GIGYF2: variants seen among roughly 807,000 people sequenced by gnomAD.
GIGYF2 encodes GRB10 interacting GYF protein 2.
GIGYF2 carries 25 observed loss-of-function variants against 208.1 expected under a neutral mutation model. The ratio of observed to expected loss-of-function variants is 0.12; its 90% CI spans 0.09 to 0.17. GIGYF2 has a LOEUF of 0.17. Among genes scored for constraint, GIGYF2 ranks in the 10% least tolerant of loss-of-function variants. GIGYF2 has a pLI of 1.00. For synonymous variants in GIGYF2, 534 were observed against 543.8 expected (o/e 0.98, Z 0.25); for missense variants, 1,302 against 1,579.4 (o/e 0.82, Z 2.98).
Position 232,804,309 on chromosome 2 carries a change from G to A in GIGYF2, c.1640-2182G>A, listed in dbSNP as rs184863496. 5.1e-3 allele frequency among the ~76,000 whole-genome samples: 765 copies of A among 148,720 alleles called. 10 individuals carry two copies. Among genetic ancestry groups the A allele is most frequent in the African/African-American group, 0.018 (744 of 40,596 alleles). ...TGTCTATCTGTGTTGTTAGATCTTT[G>A]ATTTCTTTCATCAGTGTTGCGTAGT... On this transcript the variant is annotated intron_variant, in intron 14 of 28. Transcript: ENST00000373563.
intron 3 of GIGYF2, chr2:232,735,730 A>G (rs1697705339): frequency 1.0e-6 from 1 of 986,256 alleles, no homozygotes; most frequent in Non-Finnish European, 1.2e-6. Flanking sequence ...ATTGGACATA[A>G]TAACGATTAA....
intron 14 of GIGYF2, 141 bp downstream of exon 14, chr2:232,796,362 T>C (rs1700223510): frequency 1.5e-6 from 1 of 676,800 alleles, no homozygotes; most frequent in South Asian, 1.7e-5. Flanking sequence ...AGACTAGAAG[T>C]GTTTCTGATT....
chr2:232,856,011 A>G (rs1466604863), intron 28 of GIGYF2, among the ~76,000 whole-genome samples: 2 of 151,970 alleles, frequency 1.3e-5, no homozygotes, highest in African/African-American at 2.4e-5. Flanking sequence ...GCTCACTGCA[A>G]GCTCCTTCGA....
At chr2:232,790,086 C>G (rs924649086) in intron 9 of GIGYF2, among the ~76,000 whole-genome samples, 3 of 152,086 alleles carry the variant, frequency 2.0e-5, no homozygotes, top group Non-Finnish European at 4.4e-5. Flanking sequence ...TCTTCTTAAA[C>G]TATAAAATTA....
chr2:232,832,530 C>T (rs1281326220), intron 21 of GIGYF2, among the ~76,000 whole-genome samples: 1 of 152,172 alleles, frequency 6.6e-6, no homozygotes, highest in Non-Finnish European at 1.5e-5. Context: ...CCCTGAAAGG[C>T]CTGCTCACCT....
intron 20 of GIGYF2, 26 bp from the exon 21 acceptor site, chr2:232,819,801 C>T (rs765300693): frequency 3.0e-6 from 1 of 327,934 alleles, no homozygotes; most frequent in Non-Finnish European, 6.0e-6. Flanking sequence ...CTCCCCCACC[C>T]CCCACCCTCC....
At chr2:232,739,840 C>G (rs781660876) in intron 3 of GIGYF2, among the ~76,000 whole-genome samples, 52 of 151,216 alleles carry the variant, frequency 3.4e-4, no homozygotes, top group South Asian at 1.7e-3. Context: ...TGGCACATGC[C>G]TGTAATCCCA....
chr2:232,786,178 A>C (rs1699902484), intron 8 of GIGYF2, among the ~76,000 whole-genome samples: 1 of 152,206 alleles, frequency 6.6e-6, no homozygotes, highest in Non-Finnish European at 1.5e-5. Flanking sequence ...ATTCTGTCCA[A>C]AAGCAATTTA....
rs572179302 is a variant in GIGYF2, at chr2:232,860,006, T to TCC, written c.*3153_*3154dup. ...GCATGGCCCTCTCCCTGCAACCCCC[T>TCC]CCCCCCCCGCCTTGATGAAAGGAGT... On this transcript the variant is annotated 3_prime_UTR_variant, in exon 29 of 29. Coordinates refer to ENST00000373563, the MANE Select transcript of GIGYF2 (RefSeq NM_001103146.3). 7.9e-4 allele frequency: 117 copies of TCC among 148,162 alleles called. No individual in the cohort carries two copies. Among genetic ancestry groups the TCC allele is most frequent in the Admixed American group, 3.0e-3 (44 of 14,806 alleles). The allele number at this position is 148,162 out of a possible 1,614,324, so 9.2% of individuals were successfully genotyped here.
intron 6 of GIGYF2, among the ~76,000 whole-genome samples, chr2:232,758,885 C>T (rs983400724): frequency 6.6e-6 from 1 of 152,128 alleles, no homozygotes; most frequent in African/African-American, 2.4e-5. Flanking sequence ...ATTTATATTA[C>T]ATTATTTTAG....
intron 8 of GIGYF2, among the ~76,000 whole-genome samples, chr2:232,773,516 C>G (rs1235718431): frequency 6.6e-6 from 1 of 151,830 alleles, no homozygotes; most frequent in Non-Finnish European, 1.5e-5. Context: ...AACAGTCTTT[C>G]CAAAAATGAT....
intron 2 of GIGYF2, among the ~76,000 whole-genome samples, chr2:232,710,889 C>T (rs1696363738): frequency 1.3e-5 from 2 of 151,622 alleles, no homozygotes; most frequent in African/African-American, 2.4e-5. Context: ...TTAGTAGAGA[C>T]AGGGTTTCAC....
intron 20 of GIGYF2, among the ~76,000 whole-genome samples, 178 bp from the exon 21 acceptor site, chr2:232,819,649 C>T (rs968065282): frequency 1.3e-5 from 2 of 152,018 alleles, no homozygotes; most frequent in South Asian, 2.1e-4. Flanking sequence ...CATTGTAATG[C>T]GTCCAATTCC....
rs2106380251 is a variant in GIGYF2, at chr2:232,806,646, C to G, written c.1795C>G (p.Pro599Ala). The G allele has an allele frequency of 1.2e-6, 2 of 1,610,074 alleles. No homozygotes were observed. Among genetic ancestry groups the G allele is most frequent in the Non-Finnish European group, 8.5e-7 (1 of 1,176,372 alleles). The part of the protein sequence containing the change: ...RVPFSPGPAP[P>A]PHMGELDQER... ...TCCCTTTTCTCCAGGTCCAGCTCCC[C>G]CTCCTCATATGGTAAGTACCTTTCA... is the stretch of plus-strand genomic sequence containing the variant. Residue 599 changes from proline to alanine, a missense_variant, in exon 15 of 29, where the codon CCT becomes GCT. Transcript: ENST00000373563. This position sits in a 1 kb window ranked among gnomAD's most constrained non-coding sequence, Gnocchi z 4.0.
chr2:232,809,037 C>T (rs1394794357), intron 15 of GIGYF2, among the ~76,000 whole-genome samples: 1 of 152,124 alleles, frequency 6.6e-6, no homozygotes, highest in Non-Finnish European at 1.5e-5. Flanking sequence ...CTCTGCCTCC[C>T]AGGTTCAAGT....
Position 232,790,760 on chromosome 2 carries a change from T to G in GIGYF2, c.775T>G (p.Phe259Val). 6.2e-7 allele frequency: 1 copy of G among 1,614,080 alleles called. No homozygotes were observed. Among genetic ancestry groups the G allele is most frequent in the Non-Finnish European group, 8.5e-7 (1 of 1,179,994 alleles). Residue 259 changes from phenylalanine (F) to valine (V), a missense_variant, in exon 10 of 29, where the codon TTT becomes GTT. By Grantham distance (50) the Phe-to-Val change is conservative (BLOSUM62 -1). Transcript: ENST00000373563. ...ACGACGTCGGAGGTTTGAGTTTGAT[T>G]TTCGAGATAGAGATGATGAACGGGG... ...MERRRRFEFDFRDRDDERGYR... is the reference protein window; with the variant it reads ...MERRRRFEFDVRDRDDERGYR...
chr2:232,741,226 A>AT (rs1173979486), intron 3 of GIGYF2, among the ~76,000 whole-genome samples: 1 of 152,154 alleles, frequency 6.6e-6, no homozygotes, highest in African/African-American at 2.4e-5. Flanking sequence ...CTGTTTGCTC[A>AT]AGCTAGCAGT....
At chr2:232,770,151 T>C (rs1699173063) in intron 8 of GIGYF2, among the ~76,000 whole-genome samples, 2 of 152,330 alleles carry the variant, frequency 1.3e-5, no homozygotes, top group Non-Finnish European at 2.9e-5. Flanking sequence ...AGCTGGTTGG[T>C]AGCACACTGG....
At position 232,806,638 on chromosome 2, in the gene GIGYF2, C is replaced by T. The variant is rs772009425; in HGVS notation, c.1787C>T (p.Pro596Leu). The stretch of plus-strand genomic sequence containing the variant: ...GGAAGGGTTCCCTTTTCTCCAGGTC[C>T]AGCTCCCCCTCCTCATATGGTAAGT... ...MWGRVPFSPG[P>L]APPPHMGELD... Residue 596 changes from proline to leucine, a missense_variant, in exon 15 of 29, where the codon CCA becomes CTA. This residue lies in a region of GIGYF2 where 701 missense variants were observed against 793.0 expected (regional missense o/e 0.88). Transcript: ENST00000373563. This position sits in a 1 kb window ranked among gnomAD's most constrained non-coding sequence, Gnocchi z 4.0. 6.2e-7 allele frequency: 1 copy of T among 1,612,058 alleles called. No individual in the cohort carries two copies. The highest frequency in any genetic ancestry group is 1.1e-5 in the South Asian group (1 of 91,040).
Sources: gnomAD v4.1 joint callset for allele counts (sites outside exome capture counted in the v4.1 genomes callset) on GRCh38, gnomAD v4.1.1 for gene constraint, gnomAD v4.1.1 regional missense constraint, Gnocchi (gnomAD v3.1) non-coding constraint, MANE v1.5 for transcripts, NCBI Gene and HGNC (gene_info 2026-07-23, HGNC 2026-07-21) for gene names.